Variants in COL27A1 observed in about 807,000 individuals in gnomAD.
COL27A1 encodes the protein collagen type XXVII alpha 1 chain, also known as collagen alpha-1(XXVII) chain.
A neutral mutation model predicts 251.3 loss-of-function variants in COL27A1; 106 were observed. The ratio of observed to expected loss-of-function variants is 0.42; its 90% CI spans 0.36 to 0.50. COL27A1 has a LOEUF of 0.50. Ranked by LOEUF, COL27A1 falls within the 20% of genes least tolerant of loss-of-function variation. The pLI, the probability that COL27A1 is intolerant of heterozygous loss-of-function variation, is 0.00. For synonymous variants in COL27A1, 1,000 were observed against 986.3 expected (o/e 1.01, Z -0.26); for missense variants, 2,325 against 2,522.8 (o/e 0.92, Z 1.68).
At chr9:114,198,475 G>A (rs1418640444) in intron 7 of COL27A1, among the ~76,000 whole-genome samples, 7 of 152,224 alleles carry the variant, frequency 4.6e-5, no homozygotes, top group Admixed American at 4.6e-4. Flanking sequence ...GCTGGTCTGA[G>A]TGGGACTCAG....
chr9:114,225,918 C>T (rs773784260), intron 14 of COL27A1, among the ~76,000 whole-genome samples: 3 of 152,098 alleles, frequency 2.0e-5, no homozygotes, highest in Non-Finnish European at 2.9e-5. Context: ...CTTGCGAAGC[C>T]GAGGTCACCA....
rs1022357631 is a variant in COL27A1 at position 114,290,219 on chromosome 9, C to A, written c.4261-5C>A. On this transcript the variant is annotated splice_polypyrimidine_tract_variant and splice_region_variant and intron_variant, in intron 46 of 60. Transcript: ENST00000356083. The surrounding 1 kb of genome is among the most constrained non-coding windows in gnomAD (Gnocchi z 4.6). ...GCCCTCACCAGCTTTTTATGTACCC[C>A]CCAGGGCCTGCAGGGGCTGCCAGGG... The A allele has an allele frequency of 6.3e-7, 1 of 1,574,860 alleles. No individual in the cohort carries two copies. Among genetic ancestry groups the A allele is most frequent in the African/African-American group, 1.3e-5 (1 of 74,610 alleles).
intron 3 of COL27A1, 98 bp downstream of exon 3, chr9:114,169,561 G>A (rs1051538988): frequency 1.9e-5 from 19 of 1,000,146 alleles, no homozygotes; most frequent in Middle Eastern, 4.4e-4. Flanking sequence ...AAAAGGAGCA[G>A]CTTAGAGCAG....
intron 14 of COL27A1, 126 bp downstream of exon 14, chr9:114,222,393 C>A: frequency 1.3e-6 from 1 of 764,126 alleles, no homozygotes; most frequent in Non-Finnish European, 1.9e-6. Flanking sequence ...ATCAAACCCC[C>A]AGAGGGGCTG....
intron 21 of COL27A1, among the ~76,000 whole-genome samples, chr9:114,241,126 G>A (rs1459103431): frequency 3.3e-5 from 5 of 152,260 alleles, no homozygotes; most frequent in Admixed American, 1.3e-4. Flanking sequence ...TGGGTTGGGA[G>A]GGGTCTCTAT....
chr9:114,178,967 G>C (rs940205899), intron 4 of COL27A1, among the ~76,000 whole-genome samples: 1 of 152,136 alleles, frequency 6.6e-6, no homozygotes, highest in African/African-American at 2.4e-5. Flanking sequence ...TTTTAGAGAT[G>C]AGGAAACTGA....
chr9:114,195,649 A>G (rs570479716), intron 6 of COL27A1, among the ~76,000 whole-genome samples: 1 of 152,344 alleles, frequency 6.6e-6, no homozygotes, highest in South Asian at 2.1e-4. Context: ...GATAAGGCAC[A>G]TGTCCTCTGG....
intron 45 of COL27A1, 74 bp downstream of exon 45, chr9:114,289,369 A>T: frequency 7.1e-7 from 1 of 1,411,790 alleles, no homozygotes; most frequent in Non-Finnish European, 9.6e-7. Flanking sequence ...TCACACAGCA[A>T]ACCAAACGCA....
chr9:114,265,052 A>C lies in COL27A1; in HGVS notation c.3295-14A>C. The C allele has an allele frequency of 6.2e-7, 1 of 1,607,102 alleles. No homozygotes were observed. Among genetic ancestry groups the C allele is most frequent in the South Asian group, 1.1e-5 (1 of 90,932 alleles). ...GTGATCTGAGCCTGTAATGACCCCCACATGTGCTTCCAGGGTGTGGCTGGT... is the reference window on the plus strand; with the variant it reads ...GTGATCTGAGCCTGTAATGACCCCCCCATGTGCTTCCAGGGTGTGGCTGGT... On this transcript the variant is annotated splice_polypyrimidine_tract_variant and intron_variant, in intron 30 of 60. Transcript: ENST00000356083.
chr9:114,263,370 C>T (rs985726341), intron 28 of COL27A1, among the ~76,000 whole-genome samples: 8 of 152,112 alleles, frequency 5.3e-5, no homozygotes, highest in Non-Finnish European at 8.8e-5. Context: ...GCGGGCTGAT[C>T]CCCTGGGCTC....
intron 33 of COL27A1, among the ~76,000 whole-genome samples, chr9:114,267,215 C>T (rs1834809149): frequency 6.6e-6 from 1 of 152,188 alleles, no homozygotes; most frequent in African/African-American, 2.4e-5. Context: ...ATGAAATTTT[C>T]TTCCCTCTGC....
chr9:114,306,318 C>T (rs1236651541), intron 57 of COL27A1: 1 of 566,402 alleles, frequency 1.8e-6, no homozygotes, highest in Non-Finnish European at 3.1e-6. Flanking sequence ...GCCTCTGAGC[C>T]ATTGTGATAG....
In COL27A1 at chr9:114,312,323, C is replaced by T. The variant is rs1829499393; in HGVS notation, c.*1628C>T. On this transcript the variant is annotated 3_prime_UTR_variant, in exon 61 of 61. Transcript: ENST00000356083. ...GTGGAAGTGCGTGTTTGTAGCAGCTCGGGCCTCATCTCAGCGCTCGGATCC... is the reference window on the plus strand; with the variant it reads ...GTGGAAGTGCGTGTTTGTAGCAGCTTGGGCCTCATCTCAGCGCTCGGATCC... 6.6e-6 allele frequency: 1 copy of T among 152,150 alleles called. No homozygotes were observed. The highest frequency in any genetic ancestry group is 1.9e-4 in the East Asian group (1 of 5,188). The allele number at this position is 152,150 out of a possible 1,614,324, so 9.4% of individuals were successfully genotyped here. A position where few individuals can be genotyped will look rare whatever the true frequency, so the allele number is the denominator to read the frequency against.
chr9:114,291,988 C>A, intron 48 of COL27A1, 115 bp from the exon 49 acceptor site: 1 of 910,980 alleles, frequency 1.1e-6, no homozygotes, highest in Non-Finnish European at 1.8e-6. Context: ...CAGCATTCTG[C>A]AATCTCGGGT....
At chr9:114,217,694 G>A in intron 12 of COL27A1, 1 of 454,376 alleles carries the variant, frequency 2.2e-6, no homozygotes, top group Non-Finnish European at 4.5e-6. Flanking sequence ...TCCCTTGTAG[G>A]CCATGTGGAG....
At chr9:114,182,948 G>A in intron 4 of COL27A1, 74 bp from the exon 5 acceptor site, 1 of 1,261,976 alleles carries the variant, frequency 7.9e-7, no homozygotes, top group East Asian at 2.3e-5. Context: ...GAAGGTGCCA[G>A]GCATTGCTGT....
intron 40 of COL27A1, among the ~76,000 whole-genome samples, 164 bp downstream of exon 40, chr9:114,283,926 G>C (rs931351047): frequency 1.3e-5 from 2 of 152,242 alleles, no homozygotes; most frequent in Admixed American, 6.5e-5. Context: ...GCCCAGAGCC[G>C]TGGTTGGGGT....
At chr9:114,200,409 G>T (rs774198269) in intron 7 of COL27A1, among the ~76,000 whole-genome samples, 1 of 152,198 alleles carries the variant, frequency 6.6e-6, no homozygotes, top group Non-Finnish European at 1.5e-5. Flanking sequence ...CCTTGTAGAA[G>T]GTAGAGAGTT....
intron 16 of COL27A1, among the ~76,000 whole-genome samples, chr9:114,234,121 C>A (rs1376601258): frequency 6.6e-6 from 1 of 150,866 alleles, no homozygotes; most frequent in Non-Finnish European, 1.5e-5. Flanking sequence ...CCTTCAAATT[C>A]ATTGTCCTGA....
Sources: allele counts gnomAD v4.1 joint callset (sites outside exome capture counted in the v4.1 genomes callset), GRCh38; gene constraint gnomAD v4.1.1; non-coding constraint Gnocchi (gnomAD v3.1); transcripts MANE v1.5; gene names NCBI Gene and HGNC (gene_info 2026-07-23, HGNC 2026-07-21).